SSH2: variants seen among roughly 807,000 people sequenced by gnomAD.
SSH2 encodes slingshot protein phosphatase 2.
SSH2 carries 37 observed loss-of-function variants against 135.2 expected under a neutral mutation model. The observed-to-expected ratio is 0.27, with a 90% CI of 0.21 to 0.36. The LOEUF is 0.36. SSH2 is among the 10% of genes least tolerant of loss of function. SSH2 has a pLI of 1.00. For missense variants in SSH2, 1,408 were observed against 1,765.3 expected (o/e 0.80, Z 3.63); for synonymous variants, 628 against 646.2 (o/e 0.97, Z 0.43).
rs114012066 is a variant in SSH2 at position 29,785,445 on chromosome 17, T to C, written c.188+8449A>G. On this transcript the variant is annotated intron_variant, in intron 3 of 15. Coordinates refer to ENST00000540801, the MANE Select transcript of SSH2 (RefSeq NM_001282129.2). The stretch of plus-strand genomic sequence containing the variant: ...CTTATAATTGTATTAGGTTGACCCA[T>C]ATGAGACAGCTGTTTACAGTTAATA... Among the ~76,000 whole-genome samples, 1,089 of 151,592 alleles carry C rather than the reference T, an allele frequency of 7.2e-3. 24 individuals carry two copies. Among genetic ancestry groups the C allele is most frequent in the African/African-American group, 0.025 (1,035 of 41,348 alleles).
chr17:29,747,399 G>A (rs1011284994), intron 3 of SSH2, among the ~76,000 whole-genome samples: 1 of 152,008 alleles, frequency 6.6e-6, no homozygotes, highest in Admixed American at 6.5e-5. Flanking sequence ...CTAAAAGAGG[G>A]GTTATACCCC....
intron 3 of SSH2, among the ~76,000 whole-genome samples, chr17:29,713,200 T>C (rs533267793): frequency 2.9e-4 from 44 of 152,176 alleles, no homozygotes; most frequent in African/African-American, 9.9e-4. Flanking sequence ...CCAGGTGTGG[T>C]GGCATGCGCC....
At chr17:29,675,929 A>T (rs2037695952) in intron 8 of SSH2, 1 of 152,204 alleles carries the variant, frequency 6.6e-6, no homozygotes, top group South Asian at 2.1e-4. Context: ...TAAGGGGCTA[A>T]TAATATTATT....
intron 3 of SSH2, among the ~76,000 whole-genome samples, chr17:29,788,409 A>C (rs914380477): frequency 9.2e-5 from 14 of 152,094 alleles, no homozygotes; most frequent in South Asian, 2.1e-4. Flanking sequence ...GGACTCAGCA[A>C]ATGGTGGACT....
At chr17:29,658,583 T>TA (rs1160656287) in intron 11 of SSH2, among the ~76,000 whole-genome samples, 10 of 152,042 alleles carry the variant, frequency 6.6e-5, no homozygotes, top group African/African-American at 2.2e-4. Context: ...AAAGTAAACT[T>TA]AGAGGCTGGG....
Position 29,636,458 on chromosome 17 carries a change from T to A in SSH2, c.1772A>T (p.Lys591Ile). 3 of 1,614,214 alleles carry A rather than the reference T, an allele frequency of 1.9e-6. No individual in the cohort carries two copies. The highest frequency in any genetic ancestry group is 2.5e-6 in the Non-Finnish European group (3 of 1,180,038). Residue 591 changes from lysine (K) to isoleucine (I), a missense_variant, in exon 15 of 16, where the codon AAA (lysine) becomes ATA (isoleucine). Coordinates refer to ENST00000540801, the MANE Select transcript of SSH2 (RefSeq NM_001282129.2). Reference protein sequence around the residue: ...CSSGCCLNESKFPLDNCHASK... With the variant: ...CSSGCCLNESIFPLDNCHASK... ...TGCATGGCAATTGTCAAGAGGAAATTTTGATTCATTCAGACAACACCCTGA... is the reference window on the plus strand; with the variant it reads ...TGCATGGCAATTGTCAAGAGGAAATATTGATTCATTCAGACAACACCCTGA...
chr17:29,662,252 C>T (rs2037078443), intron 11 of SSH2, among the ~76,000 whole-genome samples: 1 of 152,190 alleles, frequency 6.6e-6, no homozygotes, highest in African/African-American at 2.4e-5. Context: ...ATGCTATCCT[C>T]AGGAAATAGC....
intron 1 of SSH2, among the ~76,000 whole-genome samples, chr17:29,909,969 G>A (rs1039354455): frequency 6.6e-5 from 10 of 152,074 alleles, no homozygotes; most frequent in African/African-American, 2.2e-4. Context: ...TTTTAGAAAC[G>A]GGGTCTCACT....
At chr17:29,698,419 A>T (rs534807721) in intron 4 of SSH2, among the ~76,000 whole-genome samples, 1 of 152,326 alleles carries the variant, frequency 6.6e-6, no homozygotes, top group East Asian at 1.9e-4. Flanking sequence ...ACAAAGTGTT[A>T]GGTATAAACA....
At chr17:29,686,825 T>G (rs548035885) in intron 5 of SSH2, among the ~76,000 whole-genome samples, 47 of 152,184 alleles carry the variant, frequency 3.1e-4, no homozygotes, top group African/African-American at 1.1e-3. Flanking sequence ...CATGCCACCA[T>G]GCCTGGCTAA....
intron 1 of SSH2, among the ~76,000 whole-genome samples, chr17:29,906,757 T>A (rs921677166): frequency 6.6e-6 from 1 of 151,900 alleles, no homozygotes; most frequent in Non-Finnish European, 1.5e-5. Context: ...AATAAACATA[T>A]GAAAAAAAGC....
intron 3 of SSH2, among the ~76,000 whole-genome samples, chr17:29,774,112 C>T (rs1487665929): frequency 6.6e-6 from 1 of 152,220 alleles, no homozygotes; most frequent in Non-Finnish European, 1.5e-5. Context: ...AAAGTTTATA[C>T]TGTTTAAACT....
At chr17:29,752,381 G>A (rs766347063) in intron 3 of SSH2, among the ~76,000 whole-genome samples, 31 of 152,076 alleles carry the variant, frequency 2.0e-4, no homozygotes, top group Non-Finnish European at 8.8e-5. Context: ...CCAAGCATCT[G>A]TAAGAATTTA....
chr17:29,896,576 T>C (rs138133384), intron 1 of SSH2, among the ~76,000 whole-genome samples: 78 of 151,186 alleles, frequency 5.2e-4, no homozygotes, highest in African/African-American at 1.8e-3. Flanking sequence ...ATAAAATACA[T>C]TATAAAATGT....
intron 3 of SSH2, among the ~76,000 whole-genome samples, chr17:29,783,862 C>G (rs927520873): frequency 1.4e-5 from 2 of 147,482 alleles, no homozygotes; most frequent in African/African-American, 5.0e-5. Flanking sequence ...GTCAGGAGAT[C>G]GAGACCATCC....
rs1009663675 is a variant in SSH2 at position 29,761,392 on chromosome 17, C to T, written c.188+32502G>A. 5 of 1,064,852 alleles carry T rather than the reference C, an allele frequency of 4.7e-6. No individual in the cohort carries two copies. In the East Asian group the frequency reaches 3.3e-4, roughly 70 times the overall value. The allele number at this position is 1,064,852 out of a possible 1,614,324, so 66.0% of individuals were successfully genotyped here. On this transcript the variant is annotated intron_variant, in intron 3 of 15. Transcript: ENST00000540801. ...GCGGGCCCGCCGGGTCGCGCGGAGG[C>T]AGCCGCCGAAGCCCCAGGGCTCGGC...
chr17:29,665,763 A>T (rs1421447892), intron 11 of SSH2, among the ~76,000 whole-genome samples: 1 of 152,252 alleles, frequency 6.6e-6, no homozygotes, highest in Non-Finnish European at 1.5e-5. Context: ...CACTTGAGAG[A>T]AAAATAGACT....
rs572177088 is a variant in SSH2 at position 29,660,794 on chromosome 17, T to C, written c.1033-5187A>G. On this transcript the variant is annotated intron_variant, in intron 11 of 15. Coordinates refer to ENST00000540801, the MANE Select transcript of SSH2 (RefSeq NM_001282129.2). Reference sequence around the variant, plus strand: ...CTTTCTGGATGGGTGCAGTGGCTCATGCCTGTAGTCCTAGCACTTTGGGAG... The same window carrying C: ...CTTTCTGGATGGGTGCAGTGGCTCACGCCTGTAGTCCTAGCACTTTGGGAG... Among the ~76,000 whole-genome samples, 6 of 152,036 alleles carry C rather than the reference T, an allele frequency of 3.9e-5. No individual in the cohort carries two copies. The South Asian group carries it at 1.0e-3, about 26-fold the overall frequency.
rs774786236 is a variant in SSH2, at chr17:29,631,589, G to A, written c.3605C>T (p.Pro1202Leu). The A allele has an allele frequency of 6.2e-6, 10 of 1,614,018 alleles. No homozygotes were observed. The highest frequency in any genetic ancestry group is 7.6e-6 in the Non-Finnish European group (9 of 1,180,040). The change falls in exon 16 of 16, where the codon CCA (proline) becomes CTA (leucine). Residue 1202 changes from proline to leucine, a missense_variant. Physicochemically the swap from Pro to Leu is moderately conservative, Grantham distance 98. Around this residue, in one of 3 missense-constraint regions of SSH2, gnomAD observed 1,080 missense variants for 1,144.5 expected, o/e 0.94. Transcript: ENST00000540801. ...ESPLSSGSEVPYKDSQLSSAD... is the reference protein window; with the variant it reads ...ESPLSSGSEVLYKDSQLSSAD... ...GCTACTTAGCTGGGAGTCCTTATAT[G>A]GCACCTCACTGCCACTGGAGAGAGG...
Sources: gnomAD v4.1 joint callset for allele counts (sites outside exome capture counted in the v4.1 genomes callset) on GRCh38, gnomAD v4.1.1 for gene constraint, gnomAD v4.1.1 regional missense constraint, MANE v1.5 for transcripts, NCBI Gene and HGNC (gene_info 2026-07-23, HGNC 2026-07-21) for gene names.